SPATA13: variants seen among roughly 807,000 people sequenced by gnomAD.
SPATA13 encodes spermatogenesis-associated protein 13.
Under a neutral mutation model 104.0 loss-of-function variants are expected in SPATA13, and 50 were observed. The observed-to-expected ratio is 0.48, with a 90% CI of 0.38 to 0.61. The LOEUF (loss-of-function observed/expected upper bound fraction) is 0.61. Ranked by LOEUF, SPATA13 falls within the 20% of genes least tolerant of loss-of-function variation. The pLI is 0.00. For synonymous variants in SPATA13, 606 were observed against 667.5 expected, an observed-to-expected ratio of 0.91 and a Z score of 1.42; for missense variants, 1,524 against 1,690.6, an observed-to-expected ratio of 0.90 and a Z score of 1.73.
At chr13:24,202,132 T>C (rs1468378417) in intron 1 of SPATA13, among the ~76,000 whole-genome samples, 1 of 152,128 alleles carries the variant, frequency 6.6e-6, no homozygotes, top group Non-Finnish European at 1.5e-5. Flanking sequence ...TCTGACATAT[T>C]TGACTCCTAT....
intron 4 of SPATA13, among the ~76,000 whole-genome samples, chr13:24,269,611 G>A (rs1418214299): frequency 3.3e-5 from 5 of 151,714 alleles, no homozygotes; most frequent in Admixed American, 2.6e-4. Flanking sequence ...TTCTGTCACC[G>A]AGGCTGGAGT....
At chr13:24,240,750 T>C (rs1872791667) in intron 2 of SPATA13, among the ~76,000 whole-genome samples, 1 of 152,194 alleles carries the variant, frequency 6.6e-6, no homozygotes. Context: ...TGAACTACCA[T>C]ATCAGTCTAT....
At chr13:24,073,567 G>A (rs902840732) in intron 3 of SPATA13, among the ~76,000 whole-genome samples, 58 of 152,222 alleles carry the variant, frequency 3.8e-4, no homozygotes, top group African/African-American at 1.2e-3. Flanking sequence ...GGTGGCCATA[G>A]CAGCTACTGC....
At chr13:24,288,915 A>C (rs1360851089) in intron 7 of SPATA13, 84 bp from the exon 8 acceptor site, 11 of 1,221,078 alleles carry the variant, frequency 9.0e-6, no homozygotes, top group Non-Finnish European at 1.2e-5. Context: ...TTCCAAGTTC[A>C]TGGCTTTAGG....
At chr13:24,037,333 C>A (rs549994680) in intron 3 of SPATA13, among the ~76,000 whole-genome samples, 3 of 151,158 alleles carry the variant, frequency 2.0e-5, no homozygotes, top group Non-Finnish European at 4.4e-5. Context: ...GCACATGTAC[C>A]CTAGAACTTA....
At chr13:24,274,131 T>C (rs1375114717) in intron 4 of SPATA13, among the ~76,000 whole-genome samples, 4 of 152,232 alleles carry the variant, frequency 2.6e-5, no homozygotes, top group Non-Finnish European at 5.9e-5. Context: ...GTGGTACACA[T>C]TGGCTAACGC....
At chr13:24,078,154 C>T (rs1382457432) in intron 3 of SPATA13, among the ~76,000 whole-genome samples, 1 of 152,176 alleles carries the variant, frequency 6.6e-6, no homozygotes, top group African/African-American at 2.4e-5. Flanking sequence ...GCCCCCACAG[C>T]AGTGCCAGCC....
intron 3 of SPATA13, among the ~76,000 whole-genome samples, chr13:24,048,668 C>A (rs530728505): frequency 2.2e-5 from 3 of 139,068 alleles, no homozygotes. Context: ...AGTCATCAGT[C>A]TCTGATCAAA....
rs548203078 is a variant in SPATA13, at chr13:24,015,747, CCA to C, written c.-146-1919_-146-1918del. 0.042 allele frequency among the ~76,000 whole-genome samples: 712 copies of C among 17,106 alleles called. 11 individuals carry two copies. The East Asian group carries it at 0.43, about 10-fold the overall frequency. The allele number at this position is 17,106 out of a possible 152,430, so 11.2% of individuals were successfully genotyped here. On this transcript the variant is annotated intron_variant, in intron 2 of 14. Coordinates refer to the SPATA13 transcript ENST00000424834. ...GGGGCGACCCCTGGCAGGCCCCCCC[CCA>C]ATTCCTAGGTCCACCGTTTCTGGGG... is the stretch of plus-strand genomic sequence containing the variant.
At chr13:24,242,735 T>A (rs1872918079) in intron 2 of SPATA13, among the ~76,000 whole-genome samples, 1 of 152,208 alleles carries the variant, frequency 6.6e-6, no homozygotes, top group Non-Finnish European at 1.5e-5. Flanking sequence ...AGAAAAAATG[T>A]CATTAAGGCT....
At chr13:24,203,039 C>T (rs776263459) in intron 1 of SPATA13, among the ~76,000 whole-genome samples, 17 of 151,930 alleles carry the variant, frequency 1.1e-4, no homozygotes, top group Non-Finnish European at 1.9e-4. Context: ...CATAGGTAAA[C>T]GTGTGCCATG....
chr13:24,258,059 A>G (rs1873873601), intron 4 of SPATA13, among the ~76,000 whole-genome samples: 1 of 152,274 alleles, frequency 6.6e-6, no homozygotes, highest in South Asian at 2.1e-4. Flanking sequence ...GTGAAACCTC[A>G]TCTCTTTCTC....
intron 3 of SPATA13, among the ~76,000 whole-genome samples, chr13:24,036,013 C>CAAAAA (rs56837096): frequency 2.7e-5 from 3 of 112,510 alleles, no homozygotes; most frequent in African/African-American, 3.2e-5. Flanking sequence ...GACCCTGTCT[C>CAAAAA]AAAAAAAAAA....
chr13:24,163,723 T>C (rs1453008797), intron 1 of SPATA13, among the ~76,000 whole-genome samples: 1 of 152,204 alleles, frequency 6.6e-6, no homozygotes, highest in Non-Finnish European at 1.5e-5. Flanking sequence ...GGAAATAAAA[T>C]GGCATATTCA....
intron 2 of SPATA13, among the ~76,000 whole-genome samples, chr13:24,010,489 C>A (rs771147867): frequency 1.4e-5 from 2 of 146,166 alleles, no homozygotes; most frequent in African/African-American, 5.1e-5. Context: ...TTTGTAGCTA[C>A]GTTATTTAGG....
At chr13:24,186,593 T>G (rs1869165509) in intron 1 of SPATA13, among the ~76,000 whole-genome samples, 1 of 152,230 alleles carries the variant, frequency 6.6e-6, no homozygotes, top group Non-Finnish European at 1.5e-5. Context: ...AATGCCACTG[T>G]GCTAGGCCCA....
intron 1 of SPATA13, among the ~76,000 whole-genome samples, chr13:24,212,308 A>T (rs1871070635): frequency 6.6e-6 from 1 of 151,978 alleles, no homozygotes; most frequent in Non-Finnish European, 1.5e-5. Context: ...AAAAAAAAAA[A>T]AAAAAGGTCG....
chr13:24,287,795 T>G (rs1211088793), intron 7 of SPATA13, among the ~76,000 whole-genome samples: 2 of 152,182 alleles, frequency 1.3e-5, no homozygotes, highest in African/African-American at 2.4e-5. Context: ...ACCTGAAAGG[T>G]TTTGTCTTCC....
At chr13:24,113,635 G>C (rs1413433735) in intron 3 of SPATA13, among the ~76,000 whole-genome samples, 1 of 151,836 alleles carries the variant, frequency 6.6e-6, no homozygotes, top group Non-Finnish European at 1.5e-5. Flanking sequence ...ACTTTGGGAG[G>C]ATGAGGCAGG....
Sources: gnomAD v4.1 joint callset for allele counts (sites outside exome capture counted in the v4.1 genomes callset) on GRCh38, gnomAD v4.1.1 for gene constraint, MANE v1.5 for transcripts, NCBI Gene and HGNC (gene_info 2026-07-23, HGNC 2026-07-21) for gene names.